CHCHD3: variants seen among roughly 807,000 people sequenced by gnomAD.
The protein encoded by CHCHD3 is coiled-coil-helix-coiled-coil-helix domain containing 3.
In CHCHD3, 20 loss-of-function variants were observed where a neutral mutation model predicts 38.2. The ratio of observed to expected loss-of-function variants is 0.52; its 90% confidence interval spans 0.37 to 0.76. The LOEUF (loss-of-function observed/expected upper bound fraction) is 0.76. Among genes scored for constraint, CHCHD3 ranks in the 30% least tolerant of loss-of-function variants. The pLI, the probability that CHCHD3 is intolerant of heterozygous loss-of-function variation, is 0.00. For missense variants in CHCHD3, 245 were observed against 279.2 expected, an observed-to-expected ratio of 0.88 and a Z score of 0.87; for synonymous variants, 82 against 100.0, an observed-to-expected ratio of 0.82 and a Z score of 1.07.
At chr7:132,959,654 CAG>C (rs1270759181) in intron 4 of CHCHD3, among the ~76,000 whole-genome samples, 1 of 143,818 alleles carries the variant, frequency 7.0e-6, no homozygotes, top group African/African-American at 2.6e-5. Flanking sequence ...ACCCTGGAGA[CAG>C]AGGTTGCAGT....
chr7:132,901,154 T>A (rs1005175581), intron 4 of CHCHD3, among the ~76,000 whole-genome samples: 1 of 152,066 alleles, frequency 6.6e-6, no homozygotes, highest in South Asian at 2.1e-4. Flanking sequence ...CCCAAACCCG[T>A]AGTGAGGGAA....
chr7:132,997,087 C>T (rs932846772), intron 3 of CHCHD3, among the ~76,000 whole-genome samples: 1 of 152,164 alleles, frequency 6.6e-6, no homozygotes, highest in Non-Finnish European at 1.5e-5. Flanking sequence ...TCAAATCCCA[C>T]GCAGCATGAA....
chr7:133,027,303 G>C (rs1215431541), intron 2 of CHCHD3, among the ~76,000 whole-genome samples: 1 of 150,356 alleles, frequency 6.7e-6, no homozygotes, highest in African/African-American at 2.4e-5. Flanking sequence ...ATAAACCACT[G>C]AACTGCACAC....
In CHCHD3 at chr7:132,970,439, G is replaced by A. The variant is rs6977440; in HGVS notation, c.369+4730C>T. Among the ~76,000 whole-genome samples, 305 of 152,224 alleles carry A rather than the reference G, an allele frequency of 2.0e-3. 1 individual carries two copies. Among genetic ancestry groups the A allele is most frequent in the African/African-American group, 4.5e-3 (185 of 41,522 alleles). The stretch of plus-strand genomic sequence containing the variant: ...TGGCATATATTAGGCACTCAATTAC[G>A]TGTTGAATAAATAAATGCAAACATA... On this transcript the variant is annotated intron_variant, in intron 4 of 7. Transcript: ENST00000262570.
intron 5 of CHCHD3, among the ~76,000 whole-genome samples, chr7:132,880,393 T>C (rs1809021101): frequency 1.3e-5 from 2 of 152,356 alleles, no homozygotes; most frequent in South Asian, 2.1e-4. Flanking sequence ...ATCATCAGCA[T>C]GTTAATAAGG....
intron 4 of CHCHD3, among the ~76,000 whole-genome samples, chr7:132,913,235 T>C (rs1810001484): frequency 6.6e-6 from 1 of 152,208 alleles, no homozygotes; most frequent in Non-Finnish European, 1.5e-5. Flanking sequence ...CTGGAAACTG[T>C]GATAGGTACT....
chr7:133,046,832 G>A (rs1814003872), intron 2 of CHCHD3, among the ~76,000 whole-genome samples: 1 of 152,156 alleles, frequency 6.6e-6, no homozygotes, highest in Non-Finnish European at 1.5e-5. Context: ...CAAAGTTCTG[G>A]GATTACAGGC....
In CHCHD3 at chr7:132,898,242, T is replaced by G. The variant is rs539392799; in HGVS notation, c.370-12497A>C. Among the ~76,000 whole-genome samples, 14 of 152,320 alleles carry G rather than the reference T, an allele frequency of 9.2e-5. No individual in the cohort carries two copies. The South Asian group carries it at 2.7e-3, about 29-fold the overall frequency. On this transcript the variant is annotated intron_variant, in intron 4 of 7. Transcript: ENST00000262570. Reference sequence around the variant, plus strand: ...AGGGACCCGAGCGGGTTGCCACTGCTGGCTGGGGCAGCCTGCTTTTATATT... The same window carrying G: ...AGGGACCCGAGCGGGTTGCCACTGCGGGCTGGGGCAGCCTGCTTTTATATT...
At chr7:132,817,982 G>A (rs1430065975) in intron 6 of CHCHD3, among the ~76,000 whole-genome samples, 1 of 152,150 alleles carries the variant, frequency 6.6e-6, no homozygotes, top group Non-Finnish European at 1.5e-5. Flanking sequence ...AAAAGCAAGT[G>A]AGTCACCCAT....
chr7:132,845,500 C>T (rs1808055784), intron 5 of CHCHD3, among the ~76,000 whole-genome samples: 2 of 152,142 alleles, frequency 1.3e-5, no homozygotes, highest in Non-Finnish European at 1.5e-5. Context: ...AATAGTGGAC[C>T]AGTGTCAGGA....
chr7:132,887,176 T>C (rs2117178020), intron 4 of CHCHD3, among the ~76,000 whole-genome samples: 1 of 152,014 alleles, frequency 6.6e-6, no homozygotes, highest in South Asian at 2.1e-4. Context: ...TGTTACAGTT[T>C]GAATAGAAGA....
At chr7:132,885,550 G>T in intron 5 of CHCHD3, 112 bp downstream of exon 5, 2 of 810,234 alleles carry the variant, frequency 2.5e-6, no homozygotes, top group Non-Finnish European at 3.7e-6. Flanking sequence ...TCACTTCCTG[G>T]CCACTTTACA....
chr7:132,901,082 A>C (rs1809653624), intron 4 of CHCHD3, among the ~76,000 whole-genome samples: 1 of 152,222 alleles, frequency 6.6e-6, no homozygotes. Flanking sequence ...AATCTTCCAC[A>C]ATGGGTCACT....
At chr7:133,061,924 G>T (rs1277434493) in intron 2 of CHCHD3, among the ~76,000 whole-genome samples, 1 of 152,126 alleles carries the variant, frequency 6.6e-6, no homozygotes, top group African/African-American at 2.4e-5. Flanking sequence ...AAAGTGTCAA[G>T]TAGCCCTGGG....
intron 4 of CHCHD3, among the ~76,000 whole-genome samples, chr7:132,905,055 T>C (rs928599253): frequency 2.7e-5 from 4 of 150,224 alleles, no homozygotes; most frequent in Admixed American, 6.6e-5. Flanking sequence ...TGAGAACACT[T>C]TGACGCAAGG....
At chr7:132,880,585 A>T (rs1562894665) in intron 5 of CHCHD3, among the ~76,000 whole-genome samples, 2 of 152,196 alleles carry the variant, frequency 1.3e-5, no homozygotes, top group Non-Finnish European at 2.9e-5. Flanking sequence ...GGATTCATTC[A>T]CTGTGCTATT....
In CHCHD3 at chr7:132,832,865, C is replaced by G. The variant is rs1807683834; in HGVS notation, c.524+5534G>C. Among the ~76,000 whole-genome samples the G allele has an allele frequency of 1.3e-5, 2 of 152,168 alleles. 1 individual carries two copies. Among genetic ancestry groups the G allele is most frequent in the Admixed American group, 1.3e-4 (2 of 15,270 alleles). On this transcript the variant is annotated intron_variant, in intron 6 of 7. Transcript: ENST00000262570. ...ATTGCTGTGAGGCTTCTCTTACATGCTATTCTATCATGAGTGCTTTATGTG... is the reference window on the plus strand; with the variant it reads ...ATTGCTGTGAGGCTTCTCTTACATGGTATTCTATCATGAGTGCTTTATGTG...
intron 3 of CHCHD3, among the ~76,000 whole-genome samples, chr7:133,013,378 C>A (rs1182185466): frequency 6.6e-6 from 1 of 152,004 alleles, no homozygotes; most frequent in Non-Finnish European, 1.5e-5. Flanking sequence ...AGCAAGTGAC[C>A]TCTGTGTTTC....
chr7:132,813,517 AGAT>A (rs967755066), intron 6 of CHCHD3: 2 of 152,188 alleles, frequency 1.3e-5, no homozygotes, highest in African/African-American at 4.8e-5. Flanking sequence ...AAGATTAGTA[AGAT>A]AACGTTTAAG....
Sources: allele counts gnomAD v4.1 joint callset (sites outside exome capture counted in the v4.1 genomes callset), GRCh38; gene constraint gnomAD v4.1.1; transcripts MANE v1.5; gene names NCBI Gene and HGNC (gene_info 2026-07-23, HGNC 2026-07-21).